The following RFT1 variants were observed in gnomAD, a reference collection of about 807,000 sequenced individuals.
RFT1 encodes the protein RFT1 glycolipid translocator homolog.
RFT1 carries 43 observed loss-of-function variants against 62.2 expected under a neutral mutation model. The ratio of observed to expected loss-of-function variants is 0.69; its 90% CI spans 0.54 to 0.89. RFT1 has a LOEUF of 0.89. RFT1 is among the 40% of genes least tolerant of loss of function. RFT1 has a pLI of 0.00. For synonymous variants in RFT1, 262 were observed against 264.6 expected (o/e 0.99, Z 0.10); for missense variants, 605 against 649.9 (o/e 0.93, Z 0.75).
At chr3:53,102,530 A>AAAAAG (rs1015062510) in intron 10 of RFT1, among the ~76,000 whole-genome samples, 1 of 152,210 alleles carries the variant, frequency 6.6e-6, no homozygotes, top group Non-Finnish European at 1.5e-5. Flanking sequence ...GTTACCAAGA[A>AAAAAG]AAAAGAAAAG....
Position 53,092,548 on chromosome 3 carries a change from C to T in RFT1, c.1279G>A (p.Gly427Ser). The T allele has an allele frequency of 6.2e-7, 1 of 1,612,658 alleles. No individual in the cohort carries two copies. Among genetic ancestry groups the T allele is most frequent in the East Asian group, 2.2e-5 (1 of 44,856 alleles). The change falls in exon 12 of 13, where the codon GGC (glycine) becomes AGC (serine). Residue 427 changes from glycine to serine, a missense_variant. Transcript: ENST00000296292. The stretch of plus-strand genomic sequence containing the variant: ...TTGGCCAAGATGAAGCCCACGCTGC[C>T]ACACCAACGGGTCAAGAGATAGGAT... Reference protein sequence around the residue: ...VLSYLLTRWCGSVGFILANCF... With the variant: ...VLSYLLTRWCSSVGFILANCF...
chr3:53,119,816 G>C (rs1255608944), intron 6 of RFT1, 68 bp downstream of exon 6: 2 of 1,401,588 alleles, frequency 1.4e-6, no homozygotes, highest in Non-Finnish European at 9.9e-7. Context: ...ACCAGTTGCA[G>C]TTTCTTTCTC....
intron 10 of RFT1, chr3:53,103,225 T>G: frequency 1.0e-6 from 1 of 985,266 alleles, no homozygotes; most frequent in Non-Finnish European, 1.2e-6. Context: ...TATATTGAGA[T>G]GGGGCAGCAG....
intron 6 of RFT1, among the ~76,000 whole-genome samples, chr3:53,112,603 C>T (rs1433139428): frequency 4.6e-5 from 7 of 152,036 alleles, no homozygotes; most frequent in East Asian, 3.8e-4. Flanking sequence ...ATTAGCTGGG[C>T]GTGGTGCTAC....
At chr3:53,069,510 G>T in the RFT1 span, among the ~76,000 whole-genome samples, 1 of 150,842 alleles carries the variant, frequency 6.6e-6, no homozygotes, top group Non-Finnish European at 1.5e-5. Context: ...CATGGTAAAA[G>T]GAAATAAATA....
chr3:53,110,912 A>G (rs947016102), intron 7 of RFT1, among the ~76,000 whole-genome samples: 2 of 152,170 alleles, frequency 1.3e-5, no homozygotes, highest in Non-Finnish European at 2.9e-5. Flanking sequence ...ACCAACACAT[A>G]TACATACAAA....
At chr3:53,097,055 A>G (rs1290909976) in intron 11 of RFT1, among the ~76,000 whole-genome samples, 1 of 152,130 alleles carries the variant, frequency 6.6e-6, no homozygotes, top group African/African-American at 2.4e-5. Context: ...CAAATGCTCT[A>G]TTTTTATTCA....
At chr3:53,076,934 AGAG>A in the RFT1 span, among the ~76,000 whole-genome samples, 2 of 151,568 alleles carry the variant, frequency 1.3e-5, no homozygotes, top group Non-Finnish European at 2.9e-5. Flanking sequence ...CCTGGGCAAC[AGAG>A]GGAGACCTCA....
At position 53,111,840 on chromosome 3, in the gene RFT1, AAT is replaced by A. The variant is rs1701656960; in HGVS notation, c.763_764del (p.Ile255PhefsTer19). ...TGACCGTCTACTTACCTTCTGTCAA[AAT>A]CTGTTTCAAGAAAGACTGTTTGAAA... ...SFFKQSFLKQ[I>X]LTEGERYVMT... On this transcript the variant is annotated frameshift_variant, in exon 7 of 13. Transcript: ENST00000296292. LOFTEE classifies it high-confidence loss of function. The A allele has an allele frequency of 6.2e-7, 1 of 1,613,750 alleles. No homozygotes were observed. The highest frequency in any genetic ancestry group is 8.5e-7 in the Non-Finnish European group (1 of 1,179,744).
chr3:53,105,138 G>GT (rs1180213352), intron 9 of RFT1, among the ~76,000 whole-genome samples: 2 of 152,360 alleles, frequency 1.3e-5, no homozygotes, highest in East Asian at 3.9e-4. Flanking sequence ...ACATGGCCAG[G>GT]TATGGGGGCT....
the RFT1 span, among the ~76,000 whole-genome samples, chr3:53,074,061 G>A: frequency 6.6e-6 from 1 of 152,148 alleles, no homozygotes; most frequent in South Asian, 2.1e-4. Flanking sequence ...CAGGCTCTGG[G>A]GGATGGGCCC....
At chr3:53,099,710 G>A (rs1381802633) in intron 10 of RFT1, among the ~76,000 whole-genome samples, 1 of 152,230 alleles carries the variant, frequency 6.6e-6, no homozygotes, top group African/African-American at 2.4e-5. Context: ...TGACAGGCTG[G>A]GCACGGTGGC....
At chr3:53,068,866 C>T in the RFT1 span, among the ~76,000 whole-genome samples, 2 of 152,152 alleles carry the variant, frequency 1.3e-5, no homozygotes, top group Non-Finnish European at 2.9e-5. Context: ...TCACTTTGAG[C>T]ACAATATTTG....
Position 53,124,928 on chromosome 3 carries a change from C to T in RFT1, c.149+981G>A, listed in dbSNP as rs1369655178. The stretch of plus-strand genomic sequence containing the variant: ...TCAAGGCTGCAGTGAGCCATGATGG[C>T]GCCACTGAACACCAGCCTGGGTGAT... On this transcript the variant is annotated intron_variant, in intron 2 of 12. Transcript: ENST00000296292. Among the ~76,000 whole-genome samples the T allele has an allele frequency of 2.0e-5, 3 of 152,064 alleles. 1 individual carries two copies. In the East Asian group the frequency reaches 5.8e-4, roughly 29 times the overall value.
intron 6 of RFT1, among the ~76,000 whole-genome samples, chr3:53,113,241 T>A (rs751283646): frequency 1.3e-5 from 2 of 152,030 alleles, no homozygotes; most frequent in Non-Finnish European, 2.9e-5. Flanking sequence ...GGTCTCAAAC[T>A]CCTGGCTCAA....
chr3:53,072,207 A>G, the RFT1 span, among the ~76,000 whole-genome samples: 2 of 152,162 alleles, frequency 1.3e-5, no homozygotes, highest in African/African-American at 4.8e-5. Context: ...GCGAGGTCAC[A>G]GGAGGTCGTC....
chr3:53,129,681 G>A (rs760664569), intron 1 of RFT1, among the ~76,000 whole-genome samples: 6 of 152,148 alleles, frequency 3.9e-5, no homozygotes, highest in Non-Finnish European at 7.3e-5. Context: ...GCCAAGAAGG[G>A]AAGTGACTTG....
rs1702091525 is a variant in RFT1 at position 53,125,775 on chromosome 3, C to T, written c.149+134G>A. 1.4e-5 allele frequency: 10 copies of T among 701,822 alleles called. No individual in the cohort carries two copies. In the South Asian group the frequency reaches 1.7e-4, roughly 12 times the overall value. 43.5% of individuals were successfully genotyped at this position (701,822 alleles called of 1,614,324 possible). A position where few individuals can be genotyped will look rare whatever the true frequency, so the allele number is the denominator to read the frequency against. Reference sequence around the variant, plus strand: ...CCACTCCTGCACGCTTCTCCTCAGCCTACTGCTAAGACATTCTGCTTCTGA... The same window carrying T: ...CCACTCCTGCACGCTTCTCCTCAGCTTACTGCTAAGACATTCTGCTTCTGA... On this transcript the variant is annotated intron_variant, in intron 2 of 12. Coordinates refer to ENST00000296292, the MANE Select transcript of RFT1 (RefSeq NM_052859.4).
chr3:53,111,860 G>C lies in RFT1; in HGVS notation c.745C>G (p.Gln249Glu), dbSNP rs1701662624. 6.2e-7 allele frequency: 1 copy of C among 1,613,996 alleles called. No homozygotes were observed. The highest frequency in any genetic ancestry group is 8.5e-7 in the Non-Finnish European group (1 of 1,179,908). ...EAKLTWSFFK[Q>E]SFLKQILTEG... is the part of the protein sequence containing the mutation. ...GTCAAAATCTGTTTCAAGAAAGACT[G>C]TTTGAAAAAACTCCAAGTCAGTTTA... The change falls in exon 7 of 13, where the codon CAG becomes GAG. Residue 249 changes from glutamine (Q) to glutamate (E), a missense_variant. By Grantham distance (29) the Gln-to-Glu change is conservative (BLOSUM62 2). Coordinates refer to ENST00000296292, the MANE Select transcript of RFT1 (RefSeq NM_052859.4).
Sources: gnomAD v4.1 joint callset for allele counts (sites outside exome capture counted in the v4.1 genomes callset) on GRCh38, gnomAD v4.1.1 for gene constraint, MANE v1.5 for transcripts, NCBI Gene and HGNC (gene_info 2026-07-23, HGNC 2026-07-21) for gene names.